PAPSS2: variants seen among roughly 807,000 people sequenced by gnomAD.
The protein encoded by PAPSS2 is bifunctional 3'-phosphoadenosine 5'-phosphosulfate synthase 2.
PAPSS2 carries 61 observed loss-of-function variants against 66.5 expected under a neutral mutation model. The observed-to-expected ratio is 0.92, with a 90% confidence interval of 0.75 to 1.14. The LOEUF (loss-of-function observed/expected upper bound fraction) is 1.14, where lower values mean the gene tolerates loss of function less well. PAPSS2 is among the 50% of genes most tolerant of loss of function. PAPSS2 has a pLI of 0.00. For synonymous variants in PAPSS2, 289 were observed against 287.5 expected (o/e 1.01, Z -0.05); for missense variants, 708 against 789.6 (o/e 0.90, Z 1.24).
chr10:87,670,837 G>T (rs1467255927), intron 1 of PAPSS2, among the ~76,000 whole-genome samples: 1 of 152,142 alleles, frequency 6.6e-6, no homozygotes, highest in Non-Finnish European at 1.5e-5. Flanking sequence ...AAAATACCCA[G>T]TTTCTTCCAT....
At chr10:87,663,659 G>A (rs994068107) in intron 1 of PAPSS2, among the ~76,000 whole-genome samples, 3 of 152,066 alleles carry the variant, frequency 2.0e-5, no homozygotes, top group Admixed American at 2.0e-4. Flanking sequence ...GACCCCCTCC[G>A]TACTTCTGTT....
chr10:87,666,863 G>C (rs569429591), intron 1 of PAPSS2, among the ~76,000 whole-genome samples: 1 of 151,884 alleles, frequency 6.6e-6, no homozygotes, highest in Non-Finnish European at 1.5e-5. Context: ...AGGAGCTCTG[G>C]GGGCTGCTGA....
intron 1 of PAPSS2, among the ~76,000 whole-genome samples, chr10:87,698,199 C>T (rs988880398): frequency 2.6e-5 from 4 of 152,062 alleles, no homozygotes; most frequent in African/African-American, 7.2e-5. Context: ...CTAGTGGCTT[C>T]GAAAAGTCAA....
chr10:87,713,942 G>A (rs1472997749), intron 3 of PAPSS2, 102 bp from the exon 4 acceptor site: 5 of 1,216,058 alleles, frequency 4.1e-6, no homozygotes, highest in Non-Finnish European at 6.0e-6. Context: ...ACAAACCCCA[G>A]TGTTATCTCA....
intron 1 of PAPSS2, among the ~76,000 whole-genome samples, chr10:87,685,565 C>T (rs1853077622): frequency 6.6e-6 from 1 of 152,044 alleles, no homozygotes; most frequent in Non-Finnish European, 1.5e-5. Context: ...TACCTGCAGT[C>T]TCAGCTACTC....
At chr10:87,668,164 A>G (rs1852836056) in intron 1 of PAPSS2, among the ~76,000 whole-genome samples, 1 of 152,246 alleles carries the variant, frequency 6.6e-6, no homozygotes, top group Non-Finnish European at 1.5e-5. Context: ...CAACTCAAGC[A>G]TTAGTGATGA....
At chr10:87,735,222 C>T (rs1190973485) in intron 9 of PAPSS2, among the ~76,000 whole-genome samples, 1 of 152,136 alleles carries the variant, frequency 6.6e-6, no homozygotes, top group East Asian at 1.9e-4. Context: ...CTCTGGATCT[C>T]CCTTCCTGAC....
chr10:87,676,775 G>C (rs1852952733), intron 1 of PAPSS2, among the ~76,000 whole-genome samples: 1 of 149,414 alleles, frequency 6.7e-6, no homozygotes, highest in South Asian at 2.1e-4. Flanking sequence ...GGCAGGCTGA[G>C]GTGGGAGGAT....
chr10:87,736,268 T>C (rs1206502060), intron 9 of PAPSS2, among the ~76,000 whole-genome samples: 72 of 141,694 alleles, frequency 5.1e-4, no homozygotes, highest in Middle Eastern at 3.5e-3. Context: ...TCTTTCTTTT[T>C]TTTTTTTTTT....
At chr10:87,670,327 A>G (rs1176066454) in intron 1 of PAPSS2, among the ~76,000 whole-genome samples, 1 of 152,224 alleles carries the variant, frequency 6.6e-6, no homozygotes, top group Admixed American at 6.5e-5. Context: ...TCACATAAAA[A>G]TTTGACCCAG....
At chr10:87,680,727 A>G (rs940212822) in intron 1 of PAPSS2, among the ~76,000 whole-genome samples, 1 of 152,060 alleles carries the variant, frequency 6.6e-6, no homozygotes, top group African/African-American at 2.4e-5. Flanking sequence ...CATAACTGGC[A>G]CACAGATTAG....
At chr10:87,676,551 A>AGCTC (rs1554862022) in intron 1 of PAPSS2, among the ~76,000 whole-genome samples, 2 of 151,510 alleles carry the variant, frequency 1.3e-5, no homozygotes, top group Non-Finnish European at 3.0e-5. Context: ...CAAATTAACT[A>AGCTC]ATTAGCTTTG....
intron 1 of PAPSS2, among the ~76,000 whole-genome samples, chr10:87,667,742 T>C (rs982737288): frequency 6.6e-5 from 10 of 152,188 alleles, no homozygotes; most frequent in Admixed American, 5.9e-4. Flanking sequence ...CATCAAATAT[T>C]AACTTTTGGC....
chr10:87,728,284 GA>G (rs1853684281), intron 9 of PAPSS2, among the ~76,000 whole-genome samples: 2 of 152,062 alleles, frequency 1.3e-5, no homozygotes, highest in Non-Finnish European at 2.9e-5. Context: ...GGGTGGAAAT[GA>G]AAAAAGTCAT....
chr10:87,744,635 A>G (rs11202536), intron 11 of PAPSS2, among the ~76,000 whole-genome samples: 47,431 of 152,142 alleles, frequency 0.31, 7,791 homozygotes, highest in African/African-American at 0.36. Context: ...ATGAGATACT[A>G]GAGTTGGTAA....
At chr10:87,743,349 CCTT>C (rs1463781385) in intron 10 of PAPSS2, 21 bp from the exon 11 acceptor site, 4 of 1,612,158 alleles carry the variant, frequency 2.5e-6, no homozygotes, top group Non-Finnish European at 3.4e-6. Context: ...CTGTGACCTT[CCTT>C]CTTCTGCTTT....
intron 9 of PAPSS2, among the ~76,000 whole-genome samples, chr10:87,731,862 G>T (rs769133800): frequency 6.6e-6 from 1 of 152,128 alleles, no homozygotes; most frequent in Admixed American, 6.5e-5. Flanking sequence ...TCGTTTTTTT[G>T]AGATAGAATC....
chr10:87,723,077 G>A (rs1315676150), intron 8 of PAPSS2, among the ~76,000 whole-genome samples: 1 of 152,172 alleles, frequency 6.6e-6, no homozygotes, highest in Non-Finnish European at 1.5e-5. Flanking sequence ...GGAAGGCAAC[G>A]TTACAGACGT....
intron 1 of PAPSS2, among the ~76,000 whole-genome samples, chr10:87,706,106 ATATGTGTG>A (rs1405103616): frequency 5.4e-4 from 46 of 85,278 alleles, no homozygotes; most frequent in African/African-American, 2.2e-3. Flanking sequence ...ATATATATAT[ATATGTGTG>A]TGTGTGTGTG....
Sources: allele counts gnomAD v4.1 joint callset (sites outside exome capture counted in the v4.1 genomes callset), GRCh38; gene constraint gnomAD v4.1.1; transcripts MANE v1.5; gene names NCBI Gene and HGNC (gene_info 2026-07-23, HGNC 2026-07-21).